SEM1: variants seen among roughly 807,000 people sequenced by gnomAD.
SEM1 encodes the protein 26S proteasome complex subunit SEM1.
Under a neutral mutation model 12.7 loss-of-function variants are expected in SEM1, and 3 were observed. That is an observed-to-expected ratio of 0.24 (90% CI 0.11 to 0.61). SEM1 has a LOEUF of 0.61. Among genes scored for constraint, SEM1 ranks in the 20% least tolerant of loss-of-function variants. The pLI, the probability that SEM1 is intolerant of heterozygous loss-of-function variation, is 0.88. For missense variants in SEM1, 59 were observed against 81.3 expected, an observed-to-expected ratio of 0.73 and a Z score of 1.06; for synonymous variants, 30 against 27.8, an observed-to-expected ratio of 1.08 and a Z score of -0.25.
chr7:96,522,124 G>A (rs1340880753), intron 2 of SEM1, among the ~76,000 whole-genome samples: 2 of 152,052 alleles, frequency 1.3e-5, no homozygotes, highest in South Asian at 4.2e-4. Flanking sequence ...GGGCAGTCAG[G>A]AGGAAGTCAA....
At chr7:96,518,300 T>A (rs1804160138) in intron 2 of SEM1, among the ~76,000 whole-genome samples, 1 of 152,154 alleles carries the variant, frequency 6.6e-6, no homozygotes, top group South Asian at 2.1e-4. Flanking sequence ...GGGCATAAAA[T>A]ATAATCAGCC....
intron 2 of SEM1, among the ~76,000 whole-genome samples, chr7:96,512,854 A>C (rs1397926363): frequency 6.6e-6 from 1 of 152,068 alleles, no homozygotes; most frequent in Non-Finnish European, 1.5e-5. Flanking sequence ...TGATATTTAC[A>C]AAAAAAGCAT....
chr7:96,515,374 C>T (rs534310829), intron 2 of SEM1, among the ~76,000 whole-genome samples: 1 of 152,228 alleles, frequency 6.6e-6, no homozygotes, highest in Admixed American at 6.5e-5. Context: ...ATTCAGGAAA[C>T]AACAAATGCT....
chr7:96,643,970 C>T (rs940232692), intron 2 of SEM1, among the ~76,000 whole-genome samples: 13 of 151,882 alleles, frequency 8.6e-5, no homozygotes, highest in African/African-American at 2.9e-4. Context: ...TGAGTGGAGC[C>T]TGCCCCAAGC....
At chr7:96,511,110 A>G (rs1260197474) in intron 2 of SEM1, among the ~76,000 whole-genome samples, 2 of 152,098 alleles carry the variant, frequency 1.3e-5, no homozygotes, top group African/African-American at 4.8e-5. Flanking sequence ...TCACTGCCTG[A>G]GAGTGTTATA....
intron 2 of SEM1, among the ~76,000 whole-genome samples, chr7:96,690,785 T>C (rs1238513801): frequency 1.3e-5 from 2 of 152,166 alleles, no homozygotes; most frequent in African/African-American, 2.4e-5. Flanking sequence ...TTTTTGTTGT[T>C]GTTGAGATGG....
intron 2 of SEM1, among the ~76,000 whole-genome samples, chr7:96,590,382 C>T (rs1309728795): frequency 6.6e-6 from 1 of 152,128 alleles, no homozygotes; most frequent in East Asian, 1.9e-4. Context: ...GATCTGGCAA[C>T]TTAACTCCTT....
At chr7:96,584,832 C>A (rs891618772) in intron 2 of SEM1, among the ~76,000 whole-genome samples, 6 of 151,676 alleles carry the variant, frequency 4.0e-5, no homozygotes, top group African/African-American at 4.8e-5. Flanking sequence ...CTCCTTTAAG[C>A]ACTTCTCTGT....
intron 2 of SEM1, among the ~76,000 whole-genome samples, chr7:96,603,846 C>A (rs1807262555): frequency 6.6e-6 from 1 of 151,082 alleles, no homozygotes; most frequent in African/African-American, 2.4e-5. Context: ...ACTAAACTTA[C>A]CTTTCCCACA....
At chr7:96,568,440 C>T (rs1230671928) in intron 2 of SEM1, among the ~76,000 whole-genome samples, 1 of 151,778 alleles carries the variant, frequency 6.6e-6, no homozygotes, top group African/African-American at 2.4e-5. Flanking sequence ...ATTCATTTCA[C>T]TCTTTTTTGT....
At chr7:96,610,104 G>GTT (rs35778935) in intron 2 of SEM1, among the ~76,000 whole-genome samples, 1 of 145,536 alleles carries the variant, frequency 6.9e-6, no homozygotes, top group African/African-American at 2.5e-5. Context: ...ATTCCAGCAG[G>GTT]TTTTTTTTTT....
chr7:96,598,224 A>G (rs1020192352), intron 2 of SEM1, among the ~76,000 whole-genome samples: 1 of 152,218 alleles, frequency 6.6e-6, no homozygotes, highest in African/African-American at 2.4e-5. Flanking sequence ...AAGATAATGA[A>G]CTGGTAGAGT....
intron 2 of SEM1, among the ~76,000 whole-genome samples, chr7:96,530,645 T>C (rs1804611133): frequency 6.6e-6 from 1 of 152,082 alleles, no homozygotes; most frequent in African/African-American, 2.4e-5. Flanking sequence ...AGTGATTCCA[T>C]TTCTCTAGTG....
intron 2 of SEM1, among the ~76,000 whole-genome samples, chr7:96,675,531 G>A (rs1789428454): frequency 6.6e-6 from 1 of 152,048 alleles, no homozygotes; most frequent in Non-Finnish European, 1.5e-5. Context: ...CCATTTTATA[G>A]TTATCCAGCA....
intron 2 of SEM1, among the ~76,000 whole-genome samples, chr7:96,557,764 G>A (rs1805566828): frequency 6.6e-6 from 1 of 151,634 alleles, no homozygotes; most frequent in Non-Finnish European, 1.5e-5. Context: ...TCAAGCCTAG[G>A]CAATGGCGGG....
At chr7:96,553,912 T>G (rs1355277727) in intron 2 of SEM1, among the ~76,000 whole-genome samples, 2 of 152,174 alleles carry the variant, frequency 1.3e-5, no homozygotes, top group Admixed American at 6.5e-5. Context: ...GTCCTTCACA[T>G]CCCTTGTAAG....
intron 2 of SEM1, among the ~76,000 whole-genome samples, chr7:96,675,927 A>G (rs1021763519): frequency 3.9e-5 from 6 of 152,200 alleles, no homozygotes; most frequent in African/African-American, 1.4e-4. Flanking sequence ...GTGAACTCCA[A>G]TATTCTGCCA....
At chr7:96,668,863 C>G (rs1239705979), downstream of SEM1, among the ~76,000 whole-genome samples, 1 of 152,104 alleles carries the variant, frequency 6.6e-6, no homozygotes, top group African/African-American at 2.4e-5. Context: ...TAGACGGGTC[C>G]ATCAGACTAG....
rs970991224 is a variant in SEM1 at position 96,586,122 on chromosome 7, AG to A, written c.171-79425del. Among the ~76,000 whole-genome samples, 23 of 152,184 alleles carry A rather than the reference AG, an allele frequency of 1.5e-4. 1 individual carries two copies. Among genetic ancestry groups the A allele is most frequent in the Admixed American group, 1.4e-3 (22 of 15,278 alleles). On this transcript the variant is annotated intron_variant and NMD_transcript_variant, in intron 2 of 3. Transcript: ENST00000466986. ...CCAAAGTGCTGGGATTACAGGAATG[AG>A]CCACCATGTCTGTCCAATTCTCAAT...
Sources: allele counts gnomAD v4.1 joint callset (sites outside exome capture counted in the v4.1 genomes callset), GRCh38; gene constraint gnomAD v4.1.1; transcripts MANE v1.5; gene names NCBI Gene and HGNC (gene_info 2026-07-23, HGNC 2026-07-21).